The following IFT122 variants were observed in gnomAD, a reference collection of about 807,000 sequenced individuals.
The protein encoded by IFT122 is intraflagellar transport protein 122 homolog.
IFT122 carries 118 observed loss-of-function variants against 161.6 expected under a neutral mutation model. The ratio of observed to expected loss-of-function variants is 0.73; its 90% confidence interval spans 0.63 to 0.85. The LOEUF (loss-of-function observed/expected upper bound fraction) is 0.85. Among genes scored for constraint, IFT122 ranks in the 40% least tolerant of loss-of-function variants. The pLI, the probability that IFT122 is intolerant of heterozygous loss-of-function variation, is 0.00. For missense variants in IFT122, 1,381 were observed against 1,579.6 expected (o/e 0.87, Z 2.13); for synonymous variants, 550 against 602.4 (o/e 0.91, Z 1.27).
chr3:129,476,446 T>C lies in IFT122; in HGVS notation c.948T>C (p.Thr316=), dbSNP rs758644002. The change falls in exon 10 of 30, where the codon ACT becomes ACC. Residue 316 remains threonine (T), a synonymous_variant. Transcript: ENST00000348417. ...CCAAGGATGGAGTGCGGCTTGGGAC[T>C]GTTGGGGAGCAGAACTCCTGGGTGT... is the stretch of plus-strand genomic sequence containing the variant. ...LFTKDGVRLG[T]VGEQNSWVWT... 2.5e-6 allele frequency: 4 copies of C among 1,614,102 alleles called. No homozygotes were observed. Among genetic ancestry groups the C allele is most frequent in the Non-Finnish European group, 2.5e-6 (3 of 1,180,016 alleles).
intron 7 of IFT122, among the ~76,000 whole-genome samples, chr3:129,465,935 C>T (rs1374869643): frequency 6.6e-6 from 1 of 151,344 alleles, no homozygotes; most frequent in Non-Finnish European, 1.5e-5. Context: ...AGCCACCGCG[C>T]ACGCCTGGCT....
chr3:129,464,652 A>G lies in IFT122; in HGVS notation c.434A>G (p.Gln145Arg). ...IICCSWTNDGQYLALGMFNGI... is the reference protein window; with the variant it reads ...IICCSWTNDGRYLALGMFNGI... Reference sequence around the variant, plus strand: ...GTACACAGCTGGACAAATGATGGTCAGTACCTGGCGCTGGGGATGTTCAAT... The same window carrying G: ...GTACACAGCTGGACAAATGATGGTCGGTACCTGGCGCTGGGGATGTTCAAT... The change falls in exon 7 of 30, where the codon CAG becomes CGG. Residue 145 changes from glutamine to arginine, a missense_variant. By Grantham distance (43) the Gln-to-Arg change is conservative. Around this residue, in one of 7 missense-constraint regions of IFT122, gnomAD observed 544 missense variants for 648.0 expected, o/e 0.84. Coordinates refer to ENST00000348417, the MANE Select transcript of IFT122 (RefSeq NM_052989.3). 1 of 1,609,042 alleles carries G rather than the reference A, an allele frequency of 6.2e-7. No homozygotes were observed. The highest frequency in any genetic ancestry group is 8.5e-7 in the Non-Finnish European group (1 of 1,177,032).
chr3:129,445,221 G>A (rs2073843820), intron 1 of IFT122, among the ~76,000 whole-genome samples: 1 of 152,142 alleles, frequency 6.6e-6, no homozygotes, highest in South Asian at 2.1e-4. Flanking sequence ...AGCTACTCAG[G>A]AGGCTAAGGC....
intron 16 of IFT122, among the ~76,000 whole-genome samples, chr3:129,489,985 AAT>A (rs2079860455): frequency 6.6e-6 from 1 of 151,912 alleles, no homozygotes; most frequent in Non-Finnish European, 1.5e-5. Flanking sequence ...CACAAGGTTT[AAT>A]ATGAGTGTTT....
chr3:129,467,270 A>C (rs2076909579), intron 8 of IFT122, among the ~76,000 whole-genome samples: 1 of 151,676 alleles, frequency 6.6e-6, no homozygotes, highest in Non-Finnish European at 1.5e-5. Context: ...TATAGGAAAT[A>C]CTGAAAAGAC....
In IFT122 at chr3:129,442,365, A is replaced by C. The variant is rs905284823; in HGVS notation, c.41+1994A>C. Among the ~76,000 whole-genome samples the C allele has an allele frequency of 2.6e-5, 4 of 152,182 alleles. No homozygotes were observed. The South Asian group carries it at 8.3e-4, about 31-fold the overall frequency. On this transcript the variant is annotated intron_variant, in intron 1 of 29. Coordinates refer to ENST00000348417, the MANE Select transcript of IFT122 (RefSeq NM_052989.3). ...TTGTTGTTACTATGGATAGTAATAA[A>C]ATACTAGATATATATAAAACGAAAT... is the stretch of plus-strand genomic sequence containing the variant.
chr3:129,478,406 G>T (rs1218547510), intron 12 of IFT122, among the ~76,000 whole-genome samples, 188 bp downstream of exon 12: 1 of 152,112 alleles, frequency 6.6e-6, no homozygotes, highest in Non-Finnish European at 1.5e-5. Context: ...AGCAAGTCAT[G>T]AGCCATAAAC....
At chr3:129,506,936 A>G (rs1288568733) in intron 22 of IFT122, among the ~76,000 whole-genome samples, 1 of 152,236 alleles carries the variant, frequency 6.6e-6, no homozygotes, top group Non-Finnish European at 1.5e-5. Context: ...CCAGCCAGGA[A>G]AACAGTTTCA....
At chr3:129,516,848 C>T (rs557074997) in intron 26 of IFT122, among the ~76,000 whole-genome samples, 650 of 144,404 alleles carry the variant, frequency 4.5e-3, no homozygotes, top group South Asian at 8.3e-3. Flanking sequence ...CCTGCACACA[C>T]ACACACACAG....
chr3:129,506,635 T>G, intron 22 of IFT122, 86 bp downstream of exon 22: 1 of 1,571,530 alleles, frequency 6.4e-7, no homozygotes, highest in Middle Eastern at 1.7e-4. Flanking sequence ...ACATTTTAAT[T>G]AAAGCCCTGG....
chr3:129,461,093 C>T (rs769375656), intron 4 of IFT122, 135 bp from the exon 5 acceptor site: 3 of 946,972 alleles, frequency 3.2e-6, no homozygotes, highest in Non-Finnish European at 3.4e-6. Context: ...AATTTCTGTG[C>T]TTTTTGTTGG....
At chr3:129,471,525 G>A (rs1227277264) in intron 9 of IFT122, among the ~76,000 whole-genome samples, 1 of 152,186 alleles carries the variant, frequency 6.6e-6, no homozygotes, top group Non-Finnish European at 1.5e-5. Flanking sequence ...GGAGGGAATG[G>A]GGTCTTGTTG....
intron 5 of IFT122, chr3:129,463,312 C>A: frequency 2.2e-6 from 1 of 463,938 alleles, no homozygotes; most frequent in South Asian, 2.1e-5. Flanking sequence ...TATCTACTCA[C>A]CTTACCTCCA....
At chr3:129,515,366 G>A (rs2083358774) in intron 25 of IFT122, 122 bp from the exon 26 acceptor site, 1 of 806,948 alleles carries the variant, frequency 1.2e-6, no homozygotes, top group Non-Finnish European at 2.1e-6. Flanking sequence ...CCCCTTCCCT[G>A]CCTGCCCACC....
intron 16 of IFT122, among the ~76,000 whole-genome samples, chr3:129,490,304 CTG>C (rs1231418433): frequency 6.6e-6 from 1 of 152,214 alleles, no homozygotes; most frequent in African/African-American, 2.4e-5. Flanking sequence ...CCTCTTTACT[CTG>C]TGCCAGGCAC....
chr3:129,472,187 C>A (rs947218940), intron 9 of IFT122, among the ~76,000 whole-genome samples: 1 of 152,184 alleles, frequency 6.6e-6, no homozygotes, highest in Non-Finnish European at 1.5e-5. Context: ...AGGCCTCACC[C>A]TGTTACCCAG....
intron 27 of IFT122, 108 bp from the exon 28 acceptor site, chr3:129,518,999 C>A (rs2084382856): frequency 1.1e-6 from 1 of 946,234 alleles, no homozygotes; most frequent in South Asian, 1.3e-5. Context: ...CTGGAAAACT[C>A]TTCCACTGGT....
At chr3:129,489,862 C>T (rs1234117853) in intron 16 of IFT122, among the ~76,000 whole-genome samples, 1 of 148,560 alleles carries the variant, frequency 6.7e-6, no homozygotes, top group Non-Finnish European at 1.5e-5. Flanking sequence ...AAAAAGAATT[C>T]AGAGGAGGGA....
At chr3:129,498,990 G>A (rs2081220271) in intron 18 of IFT122, among the ~76,000 whole-genome samples, 1 of 152,250 alleles carries the variant, frequency 6.6e-6, no homozygotes, top group Admixed American at 6.5e-5. Context: ...CCAGCCCAGA[G>A]AAGCTGGGCA....
Sources: gnomAD v4.1 joint callset for allele counts (sites outside exome capture counted in the v4.1 genomes callset) on GRCh38, gnomAD v4.1.1 for gene constraint, gnomAD v4.1.1 regional missense constraint, MANE v1.5 for transcripts, NCBI Gene and HGNC (gene_info 2026-07-23, HGNC 2026-07-21) for gene names.